Variants in DNAH7 observed in about 807,000 individuals in gnomAD.
The protein encoded by DNAH7 is dynein axonemal heavy chain 7.
A neutral mutation model predicts 444.6 loss-of-function variants in DNAH7; 397 were observed. The ratio of observed to expected loss-of-function variants is 0.89; its 90% CI spans 0.82 to 0.97. The LOEUF is 0.97. DNAH7 is among the 50% of genes least tolerant of loss of function. The probability of loss-of-function intolerance (pLI) is 0.00; values close to 1 mark genes in which losing one functional copy is unlikely to be tolerated. For missense variants in DNAH7, 4,902 were observed against 4,800.8 expected, an observed-to-expected ratio of 1.02 and a Z score of -0.62; for synonymous variants, 1,636 against 1,624.4, an observed-to-expected ratio of 1.01 and a Z score of -0.17.
At chr2:195,967,031 CTT>C (rs938047144) in intron 17 of DNAH7, among the ~76,000 whole-genome samples, 1 of 152,106 alleles carries the variant, frequency 6.6e-6, no homozygotes, top group African/African-American at 2.4e-5. Context: ...GCTTCTCTTG[CTT>C]TCCTTCCTTC....
In DNAH7 at chr2:196,026,835, C is replaced by T. The variant is rs772893900; in HGVS notation, c.592G>A (p.Val198Ile). Residue 198 changes from valine (V) to isoleucine (I), a missense_variant, in exon 7 of 65, where the codon GTC (valine) becomes ATC (isoleucine). Coordinates refer to ENST00000312428, the MANE Select transcript of DNAH7 (RefSeq NM_018897.3). Reference protein sequence around the residue: ...VLDLVPQHLKVFTDSIVTLSD... With the variant: ...VLDLVPQHLKIFTDSIVTLSD... ...AATGTAACTATGCTGTCAGTGAAGA[C>T]TTTCAGATGTTGTGGAACTAAATCC... 6.2e-7 allele frequency: 1 copy of T among 1,612,540 alleles called. No individual in the cohort carries two copies. The highest frequency in any genetic ancestry group is 8.5e-7 in the Non-Finnish European group (1 of 1,178,992).
At chr2:195,913,621 C>A (rs113769182) in intron 24 of DNAH7, among the ~76,000 whole-genome samples, 182 of 152,218 alleles carry the variant, frequency 1.2e-3, no homozygotes, top group African/African-American at 4.3e-3. Flanking sequence ...ACAGAGCCAG[C>A]CCCTCTTCAT....
chr2:195,805,523 T>C (rs1463535803), intron 54 of DNAH7, among the ~76,000 whole-genome samples: 1 of 152,082 alleles, frequency 6.6e-6, no homozygotes, highest in Non-Finnish European at 1.5e-5. Flanking sequence ...CTCACCAGGG[T>C]CATAAAGAAT....
At chr2:196,032,538 G>A (rs1400904948) in intron 5 of DNAH7, among the ~76,000 whole-genome samples, 3 of 152,020 alleles carry the variant, frequency 2.0e-5, no homozygotes, top group Admixed American at 6.6e-5. Flanking sequence ...AAAAGAATAC[G>A]TTCCCAAAAG....
intron 24 of DNAH7, among the ~76,000 whole-genome samples, chr2:195,919,370 A>C (rs1250679720): frequency 6.6e-6 from 1 of 151,980 alleles, no homozygotes; most frequent in Admixed American, 6.6e-5. Context: ...TTTTAAACAG[A>C]GTCTTGCTCT....
At chr2:195,919,431 A>C (rs893754200) in intron 24 of DNAH7, among the ~76,000 whole-genome samples, 4 of 151,908 alleles carry the variant, frequency 2.6e-5, no homozygotes, top group African/African-American at 9.7e-5. Flanking sequence ...TGCAGCCTCC[A>C]CCTCTTGGGT....
At chr2:195,964,159 G>A (rs1284577602) in intron 17 of DNAH7, among the ~76,000 whole-genome samples, 2 of 152,104 alleles carry the variant, frequency 1.3e-5, no homozygotes, top group Non-Finnish European at 2.9e-5. Flanking sequence ...AAATTTAGGA[G>A]TGTTTTTTCT....
intron 46 of DNAH7, among the ~76,000 whole-genome samples, chr2:195,847,416 TCA>T (rs949423418): frequency 6.6e-6 from 1 of 151,844 alleles, no homozygotes; most frequent in Non-Finnish European, 1.5e-5. Context: ...CTGCATGTTC[TCA>T]CTTATAAGTG....
intron 58 of DNAH7, among the ~76,000 whole-genome samples, chr2:195,780,753 AAT>A (rs1040625966): frequency 2.6e-5 from 4 of 151,136 alleles, no homozygotes; most frequent in African/African-American, 4.8e-5. Context: ...TCTGTCTCAA[AAT>A]ATATATATAT....
At position 195,961,762 on chromosome 2, in the gene DNAH7, TA is replaced by T. The variant is rs538454008; in HGVS notation, c.2206-818del. On this transcript the variant is annotated intron_variant, in intron 17 of 64. Transcript: ENST00000312428. ...ATTCTTTAGTTAACAAGAACTTAAATATTTTTTAATACACACAGCATTGTGT... is the reference window on the plus strand; with the variant it reads ...ATTCTTTAGTTAACAAGAACTTAAATTTTTTTAATACACACAGCATTGTGT... Among the ~76,000 whole-genome samples, 20 of 152,346 alleles carry T rather than the reference TA, an allele frequency of 1.3e-4. No homozygotes were observed. In the South Asian group the frequency reaches 4.1e-3, roughly 32 times the overall value.
Position 195,947,657 on chromosome 2 carries a change from T to C in DNAH7, c.3078+9604A>G, listed in dbSNP as rs551579690. On this transcript the variant is annotated intron_variant, in intron 19 of 64. Coordinates refer to ENST00000312428, the MANE Select transcript of DNAH7 (RefSeq NM_018897.3). ...TTTATGGCTGCATATTATTCCATGG[T>C]GTATATGTGCCACATTTTCTTTATC... Among the ~76,000 whole-genome samples the C allele has an allele frequency of 6.9e-4, 105 of 152,314 alleles. 1 individual carries two copies. In the Middle Eastern group the frequency reaches 0.01, roughly 15 times the overall value.
chr2:195,808,947 T>C (rs1166481954), intron 52 of DNAH7, 71 bp from the exon 53 acceptor site: 5 of 1,351,748 alleles, frequency 3.7e-6, no homozygotes, highest in Non-Finnish European at 3.0e-6. Flanking sequence ...ACAACCATTA[T>C]AAAAGAGTTG....
chr2:195,750,820 GT>G (rs1223400534), intron 63 of DNAH7, among the ~76,000 whole-genome samples: 2 of 152,156 alleles, frequency 1.3e-5, no homozygotes, highest in Non-Finnish European at 1.5e-5. Flanking sequence ...TATCCATGCT[GT>G]TTCTTTGATT....
chr2:196,009,138 G>GC (rs959592566), intron 10 of DNAH7, among the ~76,000 whole-genome samples: 1 of 152,038 alleles, frequency 6.6e-6, no homozygotes, highest in Non-Finnish European at 1.5e-5. Context: ...TGAGTGATCT[G>GC]CCCCCATGAC....
At chr2:195,802,233 A>T (rs1484550241) in intron 54 of DNAH7, among the ~76,000 whole-genome samples, 1 of 152,226 alleles carries the variant, frequency 6.6e-6, no homozygotes, top group Non-Finnish European at 1.5e-5. Context: ...AATTTCAGCC[A>T]GGCGTGGTGG....
intron 54 of DNAH7, 124 bp downstream of exon 54, chr2:195,806,616 G>T: frequency 1.5e-6 from 1 of 656,764 alleles, no homozygotes. Context: ...TTAGAAAGAA[G>T]TGGGATTATT....
intron 19 of DNAH7, among the ~76,000 whole-genome samples, chr2:195,947,267 T>A (rs1689878326): frequency 6.6e-6 from 1 of 151,820 alleles, no homozygotes; most frequent in East Asian, 1.9e-4. Context: ...AAGTGCTGGA[T>A]CACAGGCGTG....
At position 195,926,410 on chromosome 2, in the gene DNAH7, G is replaced by T; in HGVS notation, c.3612+16C>A. Reference sequence around the variant, plus strand: ...AAAAAATGCTTAAAAAAACCCGAGGGTTAATAAAACCTTACCTTTATCCCC... The same window carrying T: ...AAAAAATGCTTAAAAAAACCCGAGGTTTAATAAAACCTTACCTTTATCCCC... On this transcript the variant is annotated intron_variant, in intron 22 of 64. Transcript: ENST00000312428. 1 of 1,491,182 alleles carries T rather than the reference G, an allele frequency of 6.7e-7. No homozygotes were observed. Among genetic ancestry groups the T allele is most frequent in the Non-Finnish European group, 8.9e-7 (1 of 1,123,322 alleles). 92.4% of individuals were successfully genotyped at this position (1,491,182 alleles called of 1,614,324 possible). A position where few individuals can be genotyped will look rare whatever the true frequency, so the allele number is the denominator to read the frequency against.
chr2:195,755,844 T>C (rs186270724), intron 62 of DNAH7, among the ~76,000 whole-genome samples: 1 of 152,310 alleles, frequency 6.6e-6, no homozygotes, highest in African/African-American at 2.4e-5. Context: ...TACCCCTCAC[T>C]GGAAGCTTGA....
Sources: gnomAD v4.1 joint callset for allele counts (sites outside exome capture counted in the v4.1 genomes callset) on GRCh38, gnomAD v4.1.1 for gene constraint, MANE v1.5 for transcripts, NCBI Gene and HGNC (gene_info 2026-07-23, HGNC 2026-07-21) for gene names.